NT5C2: variants seen among roughly 807,000 people sequenced by gnomAD.
The protein encoded by NT5C2 is 5'-nucleotidase, cytosolic II.
Under a neutral mutation model 76.1 loss-of-function variants are expected in NT5C2, and 58 were observed. The observed-to-expected ratio is 0.76, with a 90% CI of 0.62 to 0.95. The LOEUF is 0.95. NT5C2 is among the 40% of genes least tolerant of loss of function. The pLI is 0.00. For synonymous variants in NT5C2, 229 were observed against 237.4 expected (o/e 0.96, Z 0.32); for missense variants, 478 against 690.3 (o/e 0.69, Z 3.45).
chr10:103,090,931 G>C lies in NT5C2; in HGVS notation c.1272+5C>G. The C allele has an allele frequency of 2.5e-6, 4 of 1,613,332 alleles. No individual in the cohort carries two copies. Among genetic ancestry groups the C allele is most frequent in the Non-Finnish European group, 3.4e-6 (4 of 1,179,442 alleles). Reference sequence around the variant, plus strand: ...CAAGTTTTCTCCCAAATCCCATTTGGATACCTTAATACGTCTCTGGATGGA... The same window carrying C: ...CAAGTTTTCTCCCAAATCCCATTTGCATACCTTAATACGTCTCTGGATGGA... On this transcript the variant is annotated splice_donor_5th_base_variant and intron_variant, in intron 17 of 18. Coordinates refer to ENST00000404739, the MANE Select transcript of NT5C2 (RefSeq NM_001351169.2).
chr10:103,132,415 C>T (rs552103242), intron 4 of NT5C2, among the ~76,000 whole-genome samples: 29 of 152,236 alleles, frequency 1.9e-4, no homozygotes, highest in African/African-American at 6.3e-4. Context: ...CATAGTTCAA[C>T]TAATAATACT....
At chr10:103,123,349 G>A (rs2076060544) in intron 4 of NT5C2, among the ~76,000 whole-genome samples, 3 of 152,054 alleles carry the variant, frequency 2.0e-5, no homozygotes, top group African/African-American at 7.2e-5. Flanking sequence ...TGTTACACAG[G>A]TAAACATGTG....
chr10:103,113,476 C>CA (rs1387002459), intron 4 of NT5C2, among the ~76,000 whole-genome samples: 1 of 150,880 alleles, frequency 6.6e-6, no homozygotes, highest in Non-Finnish European at 1.5e-5. Context: ...GCTTGTAATA[C>CA]AAAAACAGAA....
chr10:103,097,604 CAT>C (rs1192072857), intron 10 of NT5C2, among the ~76,000 whole-genome samples: 8 of 152,174 alleles, frequency 5.3e-5, no homozygotes, highest in African/African-American at 1.9e-4. Context: ...AAATTATACA[CAT>C]ATTTATAGGG....
chr10:103,167,220 G>A (rs2086633737), intron 3 of NT5C2, among the ~76,000 whole-genome samples: 1 of 151,936 alleles, frequency 6.6e-6, no homozygotes, highest in South Asian at 2.1e-4. Context: ...GTTTCACCAT[G>A]TTGGCCAGGC....
intron 4 of NT5C2, chr10:103,111,723 TG>T (rs2073081116): frequency 8.1e-7 from 1 of 1,230,494 alleles, no homozygotes; most frequent in African/African-American, 1.6e-5. Context: ...AGCAGAGTGC[TG>T]CTGCCAAAAT....
intron 4 of NT5C2, among the ~76,000 whole-genome samples, chr10:103,128,771 G>A (rs1281849986): frequency 2.2e-5 from 1 of 45,934 alleles, no homozygotes; most frequent in East Asian, 7.7e-4. Context: ...CCGTCTGGGA[G>A]GTGAGGAGCG....
Position 103,100,001 on chromosome 10 carries a change from T to C in NT5C2, c.558A>G (p.Lys186=). Reference sequence around the variant, plus strand: ...GGTAGGACATGAAGAGGTCCCCATCTTTAAATCCTGTTTCACAACTACAGA... The same window carrying C: ...GGTAGGACATGAAGAGGTCCCCATCCTTAAATCCTGTTTCACAACTACAGA... The part of the protein sequence containing the change: ...PRYTSCETGF[K]DGDLFMSYRS... Residue 186 remains lysine (K), a synonymous_variant, in exon 9 of 19, where the codon AAA becomes AAG. Coordinates refer to ENST00000404739, the MANE Select transcript of NT5C2 (RefSeq NM_001351169.2). 1.2e-6 allele frequency: 2 copies of C among 1,610,290 alleles called. No homozygotes were observed. The highest frequency in any genetic ancestry group is 1.3e-5 in the African/African-American group (1 of 75,000).
chr10:103,090,146 AG>A (rs1468645964), intron 18 of NT5C2: 1 of 437,306 alleles, frequency 2.3e-6, no homozygotes, highest in Non-Finnish European at 4.0e-6. Context: ...AAAGATGGAG[AG>A]GGGAGTTTAC....
chr10:103,158,077 GA>G (rs56754296), intron 3 of NT5C2, among the ~76,000 whole-genome samples: 44 of 106,074 alleles, frequency 4.1e-4, no homozygotes, highest in South Asian at 1.4e-3. Flanking sequence ...ATCTCAAAAA[GA>G]AAAAAAAAAA....
At chr10:103,161,255 G>T (rs1319025821) in intron 3 of NT5C2, among the ~76,000 whole-genome samples, 1 of 152,026 alleles carries the variant, frequency 6.6e-6, no homozygotes, top group East Asian at 1.9e-4. Flanking sequence ...ATAGCTCACT[G>T]CCACTTTGAC....
In NT5C2 at chr10:103,097,368, G is replaced by T. The variant is rs758139320; in HGVS notation, c.694C>A (p.Leu232Met). The T allele has an allele frequency of 6.2e-7, 1 of 1,612,944 alleles. No individual in the cohort carries two copies. The highest frequency in any genetic ancestry group is 8.5e-7 in the Non-Finnish European group (1 of 1,179,242). Residue 232 changes from leucine (L) to methionine (M), a missense_variant, in exon 11 of 19, where the codon CTG becomes ATG. Leu to Met is a conservative substitution (Grantham distance 15). Coordinates refer to ENST00000404739, the MANE Select transcript of NT5C2 (RefSeq NM_001351169.2). ...LEKYVVKDGK[L>M]PLLLSRMKEV... is the part of the protein sequence containing the mutation. ...TTCATCCGGCTCAGAAGCAAAGGCA[G>T]TTTTCCCTGAAATGTAATTGGATAA...
intron 3 of NT5C2, among the ~76,000 whole-genome samples, chr10:103,167,622 G>T (rs536334406): frequency 7.6e-4 from 115 of 151,678 alleles, no homozygotes; most frequent in African/African-American, 2.6e-3. Flanking sequence ...AAAAAATAAA[G>T]ATTTCCCCTT....
chr10:103,104,654 T>C (rs2070727145), intron 6 of NT5C2, among the ~76,000 whole-genome samples: 2 of 152,326 alleles, frequency 1.3e-5, no homozygotes, highest in South Asian at 4.1e-4. Flanking sequence ...TTCTCATGTA[T>C]ACATGGAAAT....
intron 15 of NT5C2, among the ~76,000 whole-genome samples, chr10:103,092,742 A>G (rs1420503538): frequency 6.6e-6 from 1 of 152,226 alleles, no homozygotes; most frequent in African/African-American, 2.4e-5. Flanking sequence ...GGTGATTAAC[A>G]TTCAGAGCCA....
chr10:103,130,583 T>TAAAAAAAA, intron 4 of NT5C2, among the ~76,000 whole-genome samples: 1 of 137,372 alleles, frequency 7.3e-6, no homozygotes, highest in Non-Finnish European at 1.5e-5. Context: ...AAATAAAAAT[T>TAAAAAAAA]AAAAAAAAAA....
At chr10:103,179,553 T>G (rs1309667089) in intron 2 of NT5C2, among the ~76,000 whole-genome samples, 1 of 152,148 alleles carries the variant, frequency 6.6e-6, no homozygotes, top group Non-Finnish European at 1.5e-5. Flanking sequence ...ATTTTTTGTA[T>G]TTAGTAACAC....
chr10:103,188,905 G>A (rs948086849), intron 1 of NT5C2, among the ~76,000 whole-genome samples: 1 of 151,998 alleles, frequency 6.6e-6, no homozygotes, highest in African/African-American at 2.4e-5. Context: ...TGTAGTACTC[G>A]GGAGGCAGAG....
intron 3 of NT5C2, among the ~76,000 whole-genome samples, chr10:103,173,709 G>A (rs2088953024): frequency 1.3e-5 from 2 of 149,376 alleles, no homozygotes; most frequent in South Asian, 2.1e-4. Flanking sequence ...GGTGGATCAC[G>A]AGGTCTGGAG....
Sources: gnomAD v4.1 joint callset for allele counts (sites outside exome capture counted in the v4.1 genomes callset) on GRCh38, gnomAD v4.1.1 for gene constraint, MANE v1.5 for transcripts, NCBI Gene and HGNC (gene_info 2026-07-23, HGNC 2026-07-21) for gene names.